SUSD5: variants seen among roughly 807,000 people sequenced by gnomAD.
The protein encoded by SUSD5 is sushi domain-containing protein 5.
A neutral mutation model predicts 29.5 loss-of-function variants in SUSD5; 33 were observed. The observed-to-expected ratio is 1.12, with a 90% CI of 0.85 to 1.49. The LOEUF (loss-of-function observed/expected upper bound fraction) is 1.49, where lower values mean the gene tolerates loss of function less well. Ranked by LOEUF, SUSD5 falls within the 40% of genes most tolerant of loss-of-function variation. The probability of loss-of-function intolerance (pLI) is 0.00; values close to 1 mark genes in which losing one functional copy is unlikely to be tolerated. For missense variants in SUSD5, 776 were observed against 800.6 expected (o/e 0.97, Z 0.37); for synonymous variants, 308 against 325.3 (o/e 0.95, Z 0.57).
intron 4 of SUSD5, among the ~76,000 whole-genome samples, chr3:33,154,695 A>G (rs1257380882): frequency 1.3e-5 from 2 of 152,226 alleles, no homozygotes; most frequent in African/African-American, 4.8e-5. Flanking sequence ...AAAAAACCAA[A>G]CACATAGGAA....
At chr3:33,165,830 T>C (rs9917752) in intron 4 of SUSD5, among the ~76,000 whole-genome samples, 43,070 of 151,936 alleles carry the variant, frequency 0.28, 6,897 homozygotes, top group East Asian at 0.51. Context: ...TCTTAAGATG[T>C]CTGTGCTATC....
At chr3:33,176,934 C>T (rs1482375080) in intron 3 of SUSD5, among the ~76,000 whole-genome samples, 1 of 152,192 alleles carries the variant, frequency 6.6e-6, no homozygotes, top group Non-Finnish European at 1.5e-5. Context: ...GGGCTCTCTA[C>T]TCTGATCCAT....
At chr3:33,164,859 A>G (rs1261447767) in intron 4 of SUSD5, among the ~76,000 whole-genome samples, 4 of 152,094 alleles carry the variant, frequency 2.6e-5, no homozygotes, top group African/African-American at 7.2e-5. Flanking sequence ...GACAATACCA[A>G]TTGTTGATGG....
At chr3:33,187,804 TC>T (rs2031811444) in intron 3 of SUSD5, among the ~76,000 whole-genome samples, 1 of 91,804 alleles carries the variant, frequency 1.1e-5, no homozygotes, top group Non-Finnish European at 2.2e-5. Context: ...CCTTCCCCCC[TC>T]CCCCCACCCC....
rs756820411 is a variant in SUSD5, at chr3:33,153,156, G to A, written c.1476C>T (p.Ser492=). 5 of 1,613,898 alleles carry A rather than the reference G, an allele frequency of 3.1e-6. No individual in the cohort carries two copies. Among genetic ancestry groups the A allele is most frequent in the Non-Finnish European group, 4.2e-6 (5 of 1,179,854 alleles). The change falls in exon 5 of 5, where the codon AGC becomes AGT. Residue 492 remains serine, a synonymous_variant. Transcript: ENST00000309558. The stretch of plus-strand genomic sequence containing the variant: ...TCACTGTTAATATCTCCAGGGTGGA[G>A]CTGGTGAGCTCATAGGACAGGGTGG... ...PMATLSYELT[S]STLEILTVNT... is the part of the protein sequence containing the mutation.
At chr3:33,188,745 G>C (rs928575386) in intron 3 of SUSD5, among the ~76,000 whole-genome samples, 11 of 152,148 alleles carry the variant, frequency 7.2e-5, no homozygotes, top group African/African-American at 2.7e-4. Context: ...AAGATTATTG[G>C]AAAAGGACTC....
intron 3 of SUSD5, among the ~76,000 whole-genome samples, chr3:33,176,120 C>A (rs1234738296): frequency 1.3e-5 from 2 of 152,208 alleles, no homozygotes; most frequent in African/African-American, 2.4e-5. Flanking sequence ...AGATTGGCTT[C>A]TTTCACTTAG....
intron 2 of SUSD5, among the ~76,000 whole-genome samples, chr3:33,213,312 G>A (rs2032357351): frequency 6.6e-6 from 1 of 152,120 alleles, no homozygotes; most frequent in Admixed American, 6.5e-5. Flanking sequence ...GCTGAGGCAG[G>A]AGAAACATTA....
chr3:33,175,055 C>G lies in SUSD5; in HGVS notation c.429G>C (p.Pro143=). The change falls in exon 4 of 5, where the codon CCG becomes CCC. Residue 143 remains proline (P), a synonymous_variant. Coordinates refer to ENST00000309558, the MANE Select transcript of SUSD5 (RefSeq NM_015551.2). ...GCAGGATGGTGTGTGGGAACGAAGG[C>G]GGGTCTCCACACGGCTTCTCTGAGG... ...IKDEEKPCGD[P]PSFPHTILQG... The G allele has an allele frequency of 6.2e-7, 1 of 1,613,980 alleles. No homozygotes were observed. Among genetic ancestry groups the G allele is most frequent in the Non-Finnish European group, 8.5e-7 (1 of 1,179,880 alleles).
chr3:33,211,121 C>T (rs1270880272), intron 2 of SUSD5, among the ~76,000 whole-genome samples: 5 of 152,056 alleles, frequency 3.3e-5, no homozygotes, highest in South Asian at 2.1e-4. Flanking sequence ...CTTGAACTCC[C>T]GACCACAACT....
intron 3 of SUSD5, among the ~76,000 whole-genome samples, chr3:33,200,851 A>G (rs989933007): frequency 6.6e-6 from 1 of 152,228 alleles, no homozygotes; most frequent in African/African-American, 2.4e-5. Context: ...TATGGAAGGC[A>G]GAACTTGCAA....
chr3:33,188,627 G>C (rs1320186132), intron 3 of SUSD5, among the ~76,000 whole-genome samples: 2 of 152,204 alleles, frequency 1.3e-5, no homozygotes, highest in Non-Finnish European at 2.9e-5. Flanking sequence ...TTGGAGAACT[G>C]CTGCTGTGGA....
At position 33,151,548 on chromosome 3, in the gene SUSD5, CTTTT is replaced by C. The variant is rs368312738; in HGVS notation, c.*1190_*1193del. 1 of 149,264 alleles carries C rather than the reference CTTTT, an allele frequency of 6.7e-6. No individual in the cohort carries two copies. Among genetic ancestry groups the C allele is most frequent in the Non-Finnish European group, 1.5e-5 (1 of 67,108 alleles). The allele number at this position is 149,264 out of a possible 1,614,324, so 9.2% of individuals were successfully genotyped here. The stretch of plus-strand genomic sequence containing the variant: ...GGTGTTCGGCCCTCTGAAAACATTT[CTTTT>C]TTTTTTCTCCCGTGTCATTCTCTCT... On this transcript the variant is annotated 3_prime_UTR_variant, in exon 5 of 5. Transcript: ENST00000309558.
chr3:33,151,063 C>T lies in SUSD5; in HGVS notation c.*1679G>A, dbSNP rs1046637551. The T allele has an allele frequency of 3.3e-5, 5 of 152,410 alleles. No individual in the cohort carries two copies. The highest frequency in any genetic ancestry group is 2.0e-4 in the Admixed American group (3 of 15,308). The allele number at this position is 152,410 out of a possible 1,614,324, so 9.4% of individuals were successfully genotyped here. On this transcript the variant is annotated 3_prime_UTR_variant, in exon 5 of 5. Coordinates refer to ENST00000309558, the MANE Select transcript of SUSD5 (RefSeq NM_015551.2). ...TGCACACAGCCATGCCTGACTTCCA[C>T]ACAACACACACCACATACTCATCTG...
chr3:33,181,486 A>G (rs893919840), intron 3 of SUSD5, among the ~76,000 whole-genome samples: 4 of 151,776 alleles, frequency 2.6e-5, no homozygotes, highest in Admixed American at 2.0e-4. Context: ...TGGACTCTCA[A>G]GCAATCCTCC....
At position 33,180,342 on chromosome 3, in the gene SUSD5, A is replaced by G. The variant is rs118090082; in HGVS notation, c.410-5268T>C. The stretch of plus-strand genomic sequence containing the variant: ...TGTGCATGTTTGTGTCTTAGTTTTT[A>G]ACAATAAAGTTTAAAAAGTTAAAAA... On this transcript the variant is annotated intron_variant, in intron 3 of 4. Coordinates refer to ENST00000309558, the MANE Select transcript of SUSD5 (RefSeq NM_015551.2). Among the ~76,000 whole-genome samples, 16 of 151,720 alleles carry G rather than the reference A, an allele frequency of 1.1e-4. No homozygotes were observed. The East Asian group carries it at 3.1e-3, about 30-fold the overall frequency.
chr3:33,183,983 G>A (rs1283501865), intron 3 of SUSD5, among the ~76,000 whole-genome samples: 1 of 105,392 alleles, frequency 9.5e-6, no homozygotes, highest in East Asian at 2.5e-4. Context: ...TATCTCCTTG[G>A]CTGGAGTGCA....
rs181804279 is a variant in SUSD5, at chr3:33,204,687, G to A, written c.409+3121C>T. ...GTTTTTGAGACAGTCTTGCTCTGTC[G>A]CCCAGGATGGAGTGCAGTGATGTGA... On this transcript the variant is annotated intron_variant, in intron 3 of 4. Transcript: ENST00000309558. The surrounding 1 kb of genome is among the most constrained non-coding windows in gnomAD (Gnocchi z 4.5). Among the ~76,000 whole-genome samples the A allele has an allele frequency of 6.6e-5, 10 of 150,806 alleles. No individual in the cohort carries two copies. The East Asian group carries it at 1.2e-3, about 18-fold the overall frequency.
chr3:33,198,516 A>G (rs575280952), intron 3 of SUSD5, among the ~76,000 whole-genome samples: 5 of 152,214 alleles, frequency 3.3e-5, no homozygotes, highest in Non-Finnish European at 7.4e-5. Context: ...GGACTGCACC[A>G]CTAGCAGCCA....
Sources: allele counts gnomAD v4.1 joint callset (sites outside exome capture counted in the v4.1 genomes callset), GRCh38; gene constraint gnomAD v4.1.1; non-coding constraint Gnocchi (gnomAD v3.1); transcripts MANE v1.5; gene names NCBI Gene and HGNC (gene_info 2026-07-23, HGNC 2026-07-21).